Variants in CUL1 observed in about 807,000 individuals in gnomAD.
CUL1 encodes cullin 1, also known as cullin-1.
Under a neutral mutation model 118.0 loss-of-function variants are expected in CUL1, and 24 were observed. That is an observed-to-expected ratio of 0.20 (90% confidence interval 0.15 to 0.29). The LOEUF (loss-of-function observed/expected upper bound fraction) is 0.29. Ranked by LOEUF, CUL1 falls within the 10% of genes least tolerant of loss-of-function variation. CUL1 has a pLI of 1.00. For missense variants in CUL1, 361 were observed against 933.8 expected, an observed-to-expected ratio of 0.39 and a Z score of 7.99; for synonymous variants, 332 against 340.4, an observed-to-expected ratio of 0.98 and a Z score of 0.27.
At chr7:148,733,008 A>C (rs1292805630) in intron 2 of CUL1, among the ~76,000 whole-genome samples, 1 of 152,062 alleles carries the variant, frequency 6.6e-6, no homozygotes, top group African/African-American at 2.4e-5. Context: ...ACACCTCATT[A>C]AGCCTTATCT....
In CUL1 at chr7:148,757,095, A is replaced by T; in HGVS notation, c.428A>T (p.His143Leu). 6.2e-7 allele frequency: 1 copy of T among 1,600,904 alleles called. No homozygotes were observed. The highest frequency in any genetic ancestry group is 8.5e-7 in the Non-Finnish European group (1 of 1,174,416). The change falls in exon 4 of 22, where the codon CAT (histidine) becomes CTT (leucine). Residue 143 changes from histidine (H) to leucine (L), a missense_variant. His to Leu is a moderately conservative substitution (Grantham distance 99, BLOSUM62 -3). Coordinates refer to ENST00000325222, the MANE Select transcript of CUL1 (RefSeq NM_003592.3). ...LNGICAYLNRHWVRRECDEGR... is the reference protein window; with the variant it reads ...LNGICAYLNRLWVRRECDEGR... ...GGAATTTGTGCCTACCTCAATAGAC[A>T]TTGGGTTCGCCGTGAATGTGACGAA...
intron 1 of CUL1, among the ~76,000 whole-genome samples, chr7:148,723,104 A>G (rs1390295786): frequency 6.6e-6 from 1 of 152,250 alleles, no homozygotes; most frequent in Non-Finnish European, 1.5e-5. Flanking sequence ...GAAAGAACTT[A>G]CAAGGTCACA....
chr7:148,797,475 G>A (rs1278789170), intron 17 of CUL1, among the ~76,000 whole-genome samples: 1 of 151,046 alleles, frequency 6.6e-6, no homozygotes, highest in Non-Finnish European at 1.5e-5. Flanking sequence ...TGTAAATCCA[G>A]TGCAGTATTC....
chr7:148,729,739 T>TGA (rs1798696020), intron 1 of CUL1, among the ~76,000 whole-genome samples: 1 of 152,228 alleles, frequency 6.6e-6, no homozygotes, highest in East Asian at 1.9e-4. Flanking sequence ...GTGCAAACTT[T>TGA]TACCCAGGTT....
At chr7:148,749,405 G>A (rs1799410073) in intron 2 of CUL1, among the ~76,000 whole-genome samples, 1 of 95,338 alleles carries the variant, frequency 1.0e-5, no homozygotes, top group Non-Finnish European at 1.8e-5. Context: ...AACAGAGTGA[G>A]ACTCCATCTC....
At chr7:148,797,748 T>G (rs1584827340) in intron 17 of CUL1, 64 bp from the exon 18 acceptor site, 12 of 1,154,518 alleles carry the variant, frequency 1.0e-5, no homozygotes, top group East Asian at 2.4e-5. Flanking sequence ...AGGTTGCCTG[T>G]GGTGGTTATT....
chr7:148,792,891 T>C (rs891274425), intron 17 of CUL1, 73 bp downstream of exon 17: 1 of 1,094,816 alleles, frequency 9.1e-7, no homozygotes, highest in African/African-American at 1.6e-5. Context: ...TTAGGAAAGA[T>C]AAGGAAGAGG....
chr7:148,797,982 C>A lies in CUL1; in HGVS notation c.1993C>A (p.Pro665Thr). 1 of 1,610,454 alleles carries A rather than the reference C, an allele frequency of 6.2e-7. No homozygotes were observed. Among genetic ancestry groups the A allele is most frequent in the Non-Finnish European group, 8.5e-7 (1 of 1,177,288 alleles). ...AAATGTTGATGAGGTGGAATTGAAG[C>A]CAGATACCTTAATAAAATTATATCT... is the stretch of plus-strand genomic sequence containing the variant. ...NANVDEVELK[P>T]DTLIKLYLGY... Residue 665 changes from proline to threonine, a missense_variant, in exon 19 of 22, where the codon CCA (proline) becomes ACA (threonine). By Grantham distance (38) the Pro-to-Thr change is conservative. Coordinates refer to ENST00000325222, the MANE Select transcript of CUL1 (RefSeq NM_003592.3).
intron 1 of CUL1, among the ~76,000 whole-genome samples, chr7:148,703,780 C>G (rs1797794372): frequency 1.3e-5 from 2 of 152,104 alleles, no homozygotes; most frequent in Non-Finnish European, 2.9e-5. Context: ...ATTCACCTGC[C>G]TTAGCCTGCC....
At chr7:148,756,885 G>A (rs947657201) in intron 3 of CUL1, 98 bp from the exon 4 acceptor site, 2 of 722,006 alleles carry the variant, frequency 2.8e-6, no homozygotes, top group Non-Finnish European at 2.1e-6. Context: ...AATCACATGT[G>A]TCAATGTATT....
At chr7:148,772,828 G>A (rs188914223) in intron 9 of CUL1, among the ~76,000 whole-genome samples, 1 of 151,978 alleles carries the variant, frequency 6.6e-6, no homozygotes. Context: ...ATAATTTCCT[G>A]CAGGGTCTGG....
Position 148,778,070 on chromosome 7 carries a change from C to CAAAAAAAAAAAAAAAA in CUL1, c.1084-5701_1084-5686dup, listed in dbSNP as rs1203417069. ...AGGGTGACAGAAGAAGACCCTGTCT[C>CAAAAAAAAAAAAAAAA]AAAAAAAAAAAAAAAAAAAAAAAAA... On this transcript the variant is annotated intron_variant, in intron 9 of 21. Coordinates refer to ENST00000325222, the MANE Select transcript of CUL1 (RefSeq NM_003592.3). Among the ~76,000 whole-genome samples the CAAAAAAAAAAAAAAAA allele has an allele frequency of 3.1e-3, 43 of 13,770 alleles. 3 individuals carry two copies. Among genetic ancestry groups the CAAAAAAAAAAAAAAAA allele is most frequent in the East Asian group, 6.6e-3 (2 of 304 alleles). 9.0% of individuals were successfully genotyped at this position (13,770 alleles called of 152,430 possible). A position where few individuals can be genotyped will look rare whatever the true frequency, so the allele number is the denominator to read the frequency against.
intron 1 of CUL1, among the ~76,000 whole-genome samples, chr7:148,715,597 C>T (rs559943507): frequency 1.3e-5 from 2 of 152,272 alleles, no homozygotes; most frequent in South Asian, 4.2e-4. Flanking sequence ...ACTTTGCCCA[C>T]GTCCTTTAAG....
rs149221970 is a variant in CUL1, at chr7:148,787,189, G to A, written c.1479+69G>A. 1,545 of 1,539,850 alleles carry A rather than the reference G, an allele frequency of 1.0e-3. 15 individuals are homozygous for A. The African/African-American group carries it at 0.016, about 16-fold the overall frequency. The stretch of plus-strand genomic sequence containing the variant: ...TATTAAAACAGCTCTATGGCCGAGC[G>A]CGGTGGCTCATGCCTGTAATCCCAG... On this transcript the variant is annotated intron_variant, in intron 13 of 21. Coordinates refer to ENST00000325222, the MANE Select transcript of CUL1 (RefSeq NM_003592.3). The surrounding 1 kb of genome is among the most constrained non-coding windows in gnomAD (Gnocchi z 5.5).
chr7:148,745,818 G>A (rs1799295462), intron 2 of CUL1, among the ~76,000 whole-genome samples: 2 of 151,598 alleles, frequency 1.3e-5, no homozygotes, highest in South Asian at 4.2e-4. Context: ...GGGGAGGGTG[G>A]GATCATAACA....
chr7:148,770,310 A>G (rs111547151), intron 9 of CUL1, among the ~76,000 whole-genome samples: 2 of 152,228 alleles, frequency 1.3e-5, no homozygotes, highest in African/African-American at 4.8e-5. Context: ...GAACCAAAAC[A>G]AGATTTTCTC....
intron 9 of CUL1, chr7:148,783,492 A>C (rs1193704811): frequency 1.0e-5 from 13 of 1,259,772 alleles, no homozygotes; most frequent in Non-Finnish European, 1.3e-5. Flanking sequence ...CACTTGGAAA[A>C]TGCTGTTTTC....
intron 9 of CUL1, among the ~76,000 whole-genome samples, chr7:148,782,158 G>A (rs191314926): frequency 6.6e-6 from 1 of 152,338 alleles, no homozygotes; most frequent in Non-Finnish European, 1.5e-5. Context: ...GGAATAATTT[G>A]ACATGAAATC....
At chr7:148,759,447 C>T (rs867673398) in intron 5 of CUL1, 93 bp downstream of exon 5, 3 of 1,445,922 alleles carry the variant, frequency 2.1e-6, no homozygotes, top group Non-Finnish European at 2.9e-6. Context: ...TCGGATTATC[C>T]CATCTTACAT....
Sources: allele counts gnomAD v4.1 joint callset (sites outside exome capture counted in the v4.1 genomes callset), GRCh38; gene constraint gnomAD v4.1.1; non-coding constraint Gnocchi (gnomAD v3.1); transcripts MANE v1.5; gene names NCBI Gene and HGNC (gene_info 2026-07-23, HGNC 2026-07-21).